SBNO1: variants seen among roughly 807,000 people sequenced by gnomAD.
The protein encoded by SBNO1 is strawberry notch homolog 1, also known as protein strawberry notch homolog 1.
In SBNO1, 23 loss-of-function variants were observed where a neutral mutation model predicts 173.6. The ratio of observed to expected loss-of-function variants is 0.13; its 90% confidence interval spans 0.10 to 0.19. SBNO1 has a LOEUF of 0.19. Among genes scored for constraint, SBNO1 ranks in the 10% least tolerant of loss-of-function variants. The probability of loss-of-function intolerance (pLI) is 1.00; values close to 1 mark genes in which losing one functional copy is unlikely to be tolerated. For missense variants in SBNO1, 1,238 were observed against 1,671.2 expected (o/e 0.74, Z 4.52); for synonymous variants, 632 against 571.5 (o/e 1.11, Z -1.51).
chr12:123,301,324 T>A (rs138893900), intron 30 of SBNO1, among the ~76,000 whole-genome samples: 6 of 152,332 alleles, frequency 3.9e-5, no homozygotes, highest in Admixed American at 3.3e-4. Context: ...TAAAACATTT[T>A]ATCTTACAGA....
At position 123,331,530 on chromosome 12, in the gene SBNO1, A is replaced by AT. The variant is rs376073677; in HGVS notation, c.910-156dup. Among the ~76,000 whole-genome samples, 474 of 151,432 alleles carry AT rather than the reference A, an allele frequency of 3.1e-3. 3 individuals carry two copies. Among genetic ancestry groups the AT allele is most frequent in the African/African-American group, 0.01 (417 of 41,300 alleles). On this transcript the variant is annotated intron_variant, in intron 7 of 31. Transcript: ENST00000602398. ...TTACATAAATTTCATAGAGTTTTGGATTTTTTTTTGAGACGGAGTCTCGCT... is the reference window on the plus strand; with the variant it reads ...TTACATAAATTTCATAGAGTTTTGGATTTTTTTTTTGAGACGGAGTCTCGCT...
chr12:123,344,857 A>G (rs1406925049), intron 4 of SBNO1, among the ~76,000 whole-genome samples: 2 of 152,152 alleles, frequency 1.3e-5, no homozygotes, highest in African/African-American at 4.8e-5. Context: ...TCAAAAAAAG[A>G]AAAAAGAAAT....
At chr12:123,297,400 C>CAAAAAAAAAAAAAAAAAACAA (rs2048641314) in intron 31 of SBNO1, among the ~76,000 whole-genome samples, 1 of 31,514 alleles carries the variant, frequency 3.2e-5, no homozygotes, top group Non-Finnish European at 5.9e-5. Flanking sequence ...TACTGGTGTC[C>CAAAAAAAAAAAAAAAAAACAA]AAAAAAAAAA....
chr12:123,357,847 C>T (rs1161065104), intron 1 of SBNO1, among the ~76,000 whole-genome samples: 3 of 152,224 alleles, frequency 2.0e-5, no homozygotes, highest in African/African-American at 7.2e-5. Flanking sequence ...ACCCCCACTG[C>T]AAAACCTGTA....
At chr12:123,300,931 C>G (rs952593747) in intron 30 of SBNO1, among the ~76,000 whole-genome samples, 12 of 150,642 alleles carry the variant, frequency 8.0e-5, no homozygotes, top group Non-Finnish European at 1.3e-4. Context: ...TGCACTCCAG[C>G]CTGGGTGACA....
chr12:123,316,379 C>T (rs978756634), intron 21 of SBNO1, among the ~76,000 whole-genome samples: 3 of 152,082 alleles, frequency 2.0e-5, no homozygotes, highest in African/African-American at 7.2e-5. Context: ...CATGCACCAC[C>T]ACGCCCGGCT....
chr12:123,330,919 T>C (rs76467022), intron 8 of SBNO1, among the ~76,000 whole-genome samples: 81 of 152,206 alleles, frequency 5.3e-4, no homozygotes, highest in African/African-American at 1.9e-3. Context: ...AGATCCTGTC[T>C]AGATGGGGAA....
rs1241711552 is a variant in SBNO1 at position 123,348,120 on chromosome 12, C to T, written c.146G>A (p.Ser49Asn). The change falls in exon 3 of 32, where the codon AGT (serine) becomes AAT (asparagine). Residue 49 changes from serine to asparagine, a missense_variant. Physicochemically the swap from Ser to Asn is conservative, Grantham distance 46 (BLOSUM62 1). Around this residue, in one of 14 missense-constraint regions of SBNO1, gnomAD observed 287 missense variants for 274.1 expected, o/e 1.05. Transcript: ENST00000602398. ...TPSVQQSVPL[S>N]ALELGLETEA... is the part of the protein sequence containing the mutation. Reference sequence around the variant, plus strand: ...GGTCTCCAAACCTAGTTCTAATGCACTAAGTGGCACTGACTGGAGAGAAAA... The same window carrying T: ...GGTCTCCAAACCTAGTTCTAATGCATTAAGTGGCACTGACTGGAGAGAAAA... 3.1e-6 allele frequency: 5 copies of T among 1,603,538 alleles called. No homozygotes were observed. Among genetic ancestry groups the T allele is most frequent in the Admixed American group, 1.7e-5 (1 of 59,728 alleles).
rs765858946 is a variant in SBNO1 at position 123,294,161 on chromosome 12, A to G, written c.*1747T>C. 1.3e-5 allele frequency: 2 copies of G among 152,238 alleles called. No homozygotes were observed. The highest frequency in any genetic ancestry group is 4.8e-5 in the African/African-American group (2 of 41,468). 9.4% of individuals were successfully genotyped at this position (152,238 alleles called of 1,614,324 possible). A position where few individuals can be genotyped will look rare whatever the true frequency, so the allele number is the denominator to read the frequency against. On this transcript the variant is annotated 3_prime_UTR_variant, in exon 32 of 32. Transcript: ENST00000602398. ...TGCCAAAGAACAGAAAGTACTTTCA[A>G]TTTATTCTTTTAGGCACCAAGAATA... is the stretch of plus-strand genomic sequence containing the variant.
chr12:123,364,083 C>G, intron 1 of SBNO1: 1 of 985,476 alleles, frequency 1.0e-6, no homozygotes, highest in Non-Finnish European at 1.2e-6. Flanking sequence ...CCCGCCGAGG[C>G]AGAACTAAGC....
At chr12:123,338,140 G>A (rs1872074972) in intron 5 of SBNO1, among the ~76,000 whole-genome samples, 1 of 152,198 alleles carries the variant, frequency 6.6e-6, no homozygotes, top group Non-Finnish European at 1.5e-5. Context: ...TTCCTAGATG[G>A]GGAACGTGGG....
intron 5 of SBNO1, 36 bp downstream of exon 5, chr12:123,340,952 T>C (rs1360973705): frequency 7.8e-7 from 1 of 1,280,414 alleles, no homozygotes; most frequent in Admixed American, 1.8e-5. Context: ...ACTCTCATAC[T>C]ACACAAAAAT....
At chr12:123,319,070 T>C (rs947228693) in intron 20 of SBNO1, among the ~76,000 whole-genome samples, 7 of 151,222 alleles carry the variant, frequency 4.6e-5, no homozygotes, top group African/African-American at 1.5e-4. Flanking sequence ...TTCCAGCTAT[T>C]CTCCTCCCTC....
Position 123,323,097 on chromosome 12 carries a change from C to A in SBNO1, c.2125+583G>T, listed in dbSNP as rs1870192256. Among the ~76,000 whole-genome samples the A allele has an allele frequency of 2.6e-5, 4 of 152,172 alleles. No homozygotes were observed. The South Asian group carries it at 6.2e-4, about 24-fold the overall frequency. ...TGTCTATAAAATTGGAAAAATAAGA[C>A]CTAATTTCGTATGGACCTCTGCCAG... On this transcript the variant is annotated intron_variant, in intron 16 of 31. Transcript: ENST00000602398.
chr12:123,336,508 G>A lies in SBNO1; in HGVS notation c.652-17C>T. On this transcript the variant is annotated splice_polypyrimidine_tract_variant and intron_variant, in intron 5 of 31. Transcript: ENST00000602398. ...AGGAACCTTCTGCAACACAGAAAGA[G>A]CACAATCAATCCCAAATCCAGGGAC... is the stretch of plus-strand genomic sequence containing the variant. 2 of 1,548,144 alleles carry A rather than the reference G, an allele frequency of 1.3e-6. No homozygotes were observed. Among genetic ancestry groups the A allele is most frequent in the Non-Finnish European group, 1.8e-6 (2 of 1,129,878 alleles).
chr12:123,324,876 T>C (rs1870435088), intron 15 of SBNO1, among the ~76,000 whole-genome samples: 1 of 152,060 alleles, frequency 6.6e-6, no homozygotes, highest in African/African-American at 2.4e-5. Context: ...TGGTGCGATC[T>C]TGGCTCACTG....
In SBNO1 at chr12:123,323,813, G is replaced by A. The variant is rs1870286688; in HGVS notation, c.1992C>T (p.Leu664=). 1 of 1,610,828 alleles carries A rather than the reference G, an allele frequency of 6.2e-7. No homozygotes were observed. Among genetic ancestry groups the A allele is most frequent in the Non-Finnish European group, 8.5e-7 (1 of 1,178,888 alleles). Residue 664 remains leucine, a synonymous_variant, in exon 16 of 32, where the codon CTC becomes CTT. Transcript: ENST00000602398. The part of the protein sequence containing the change: ...VSTAKGVLQS[L]IEKHFPAPDR... The stretch of plus-strand genomic sequence containing the variant: ...CTGGAGCAGGAAAATGTTTTTCAAT[G>A]AGTGACTGCAACACACCTCTGTAGG...
intron 5 of SBNO1, among the ~76,000 whole-genome samples, chr12:123,339,137 C>T (rs991931116): frequency 4.6e-5 from 7 of 152,170 alleles, no homozygotes; most frequent in Admixed American, 3.3e-4. Context: ...AACTGGGTAC[C>T]GCCAGTAGCA....
rs776815549 is a variant in SBNO1 at position 123,331,345 on chromosome 12, G to C, written c.940C>G (p.Arg314Gly). Residue 314 changes from arginine (R) to glycine (G), a missense_variant, in exon 8 of 32, where the codon CGT becomes GGT. Transcript: ENST00000602398. Reference sequence around the variant, plus strand: ...CCATCACCTATTAAGAAGCCAGCACGATCTCCATTAGGTAGGAAAGTTTCA... The same window carrying C: ...CCATCACCTATTAAGAAGCCAGCACCATCTCCATTAGGTAGGAAAGTTTCA... ...QHETFLPNGD[R>G]AGFLIGDGAG... 3 of 1,613,748 alleles carry C rather than the reference G, an allele frequency of 1.9e-6. No individual in the cohort carries two copies. The highest frequency in any genetic ancestry group is 1.7e-6 in the Non-Finnish European group (2 of 1,179,688).
Sources: gnomAD v4.1 joint callset for allele counts (sites outside exome capture counted in the v4.1 genomes callset) on GRCh38, gnomAD v4.1.1 for gene constraint, gnomAD v4.1.1 regional missense constraint, MANE v1.5 for transcripts, NCBI Gene and HGNC (gene_info 2026-07-23, HGNC 2026-07-21) for gene names.